Variants in C16orf96 observed in about 807,000 individuals in gnomAD.
C16orf96 encodes the protein chromosome 16 open reading frame 96.
A neutral mutation model predicts 103.6 loss-of-function variants in C16orf96; 108 were observed. The ratio of observed to expected loss-of-function variants is 1.04; its 90% CI spans 0.89 to 1.22. The LOEUF (loss-of-function observed/expected upper bound fraction) is 1.22, where lower values mean the gene tolerates loss of function less well. Among genes scored for constraint, C16orf96 ranks in the 50% most tolerant of loss-of-function variants. C16orf96 has a pLI of 0.00. For synonymous variants in C16orf96, 566 were observed against 593.5 expected, an observed-to-expected ratio of 0.95 and a Z score of 0.67; for missense variants, 1,586 against 1,464.2, an observed-to-expected ratio of 1.08 and a Z score of -1.36.
rs112131978 is a variant in C16orf96 at position 4,589,601 on chromosome 16, C to CA, written c.2592+1285dup. On this transcript the variant is annotated intron_variant, in intron 9 of 15. Transcript: ENST00000444310. ...GCACTCAGAGTGAAACCCTATCTCACAAAAAAAAAAAAAAATGGGCGCAGA... is the reference window on the plus strand; with the variant it reads ...GCACTCAGAGTGAAACCCTATCTCACAAAAAAAAAAAAAAAATGGGCGCAGA... 7.3e-3 allele frequency among the ~76,000 whole-genome samples: 781 copies of CA among 106,410 alleles called. 8 individuals carry two copies. Among genetic ancestry groups the CA allele is most frequent in the South Asian group, 0.057 (192 of 3,388 alleles). 69.8% of individuals were successfully genotyped at this position (106,410 alleles called of 152,430 possible).
the C16orf96 span, among the ~76,000 whole-genome samples, chr16:4,539,626 A>G: frequency 2.6e-5 from 4 of 152,292 alleles, no homozygotes; most frequent in South Asian, 2.1e-4. Flanking sequence ...TGGAGGTTGC[A>G]GTGAGCTGAG....
intron 10 of C16orf96, 48 bp downstream of exon 10, chr16:4,591,832 C>T (rs1465027894): frequency 7.4e-7 from 1 of 1,357,854 alleles, no homozygotes; most frequent in Non-Finnish European, 1.0e-6. Context: ...GCTGCCCAGG[C>T]TGTGGGGAAC....
At position 4,575,804 on chromosome 16, in the gene C16orf96, C is replaced by T. The variant is rs2059498284; in HGVS notation, c.1324C>T (p.Gln442Ter). Residue 442 changes from glutamine (Q) to a stop codon, truncating the protein, a stop_gained, in exon 5 of 16, where the codon CAG becomes TAG. Coordinates refer to ENST00000444310, the MANE Select transcript of C16orf96 (RefSeq NM_001145011.2). LOFTEE classifies it high-confidence loss of function. Reference sequence around the variant, plus strand: ...GTGGCCTCGACCACTCCAGCCATATCAGTCTCGCCAGGGAGAAGCCCTCCA... The same window carrying T: ...GTGGCCTCGACCACTCCAGCCATATTAGTCTCGCCAGGGAGAAGCCCTCCA... ...SLWPRPLQPY[Q>*]SRQGEALQLA... 1 of 1,551,028 alleles carries T rather than the reference C, an allele frequency of 6.4e-7. No individual in the cohort carries two copies. Among genetic ancestry groups the T allele is most frequent in the Admixed American group, 2.0e-5 (1 of 50,982 alleles).
chr16:4,577,494 C>G (rs577582115), intron 5 of C16orf96, among the ~76,000 whole-genome samples: 2 of 150,662 alleles, frequency 1.3e-5, no homozygotes, highest in African/African-American at 4.9e-5. Context: ...ACTAAAAATA[C>G]AAAAAAATTA....
intron 1 of C16orf96, among the ~76,000 whole-genome samples, chr16:4,569,488 C>T (rs991442802): frequency 2.6e-5 from 4 of 152,012 alleles, no homozygotes; most frequent in African/African-American, 4.8e-5. Flanking sequence ...TGAGTTGGCT[C>T]ATGCCTGTAA....
intron 7 of C16orf96, among the ~76,000 whole-genome samples, chr16:4,582,256 T>A (rs1042831629): frequency 1.8e-4 from 28 of 151,962 alleles, no homozygotes; most frequent in African/African-American, 6.8e-4. Context: ...CACTCCAGCC[T>A]GGGCGACAAG....
chr16:4,569,197 T>C (rs753841735), intron 1 of C16orf96, among the ~76,000 whole-genome samples: 1 of 151,616 alleles, frequency 6.6e-6, no homozygotes, highest in Non-Finnish European at 1.5e-5. Context: ...CTCAAACTCC[T>C]GAACTTCAGA....
the C16orf96 span, among the ~76,000 whole-genome samples, chr16:4,539,114 T>A: frequency 6.6e-6 from 1 of 152,284 alleles, no homozygotes; most frequent in East Asian, 1.9e-4. Context: ...AACCACACGG[T>A]CACTGTCCCT....
chr16:4,597,865 C>T (rs1344323431), intron 14 of C16orf96, among the ~76,000 whole-genome samples: 1 of 152,074 alleles, frequency 6.6e-6, no homozygotes, highest in Non-Finnish European at 1.5e-5. Context: ...CCTCATGTAA[C>T]TTATTGACTA....
chr16:4,561,414 CAG>C (rs1332767312), intron 1 of C16orf96: 2 of 152,232 alleles, frequency 1.3e-5, no homozygotes, highest in African/African-American at 2.4e-5. Context: ...TTACTAGAGA[CAG>C]GGCTGCCTGG....
chr16:4,565,394 C>T (rs1454156101), intron 1 of C16orf96, among the ~76,000 whole-genome samples: 1 of 152,206 alleles, frequency 6.6e-6, no homozygotes, highest in Non-Finnish European at 1.5e-5. Flanking sequence ...AGAGCATGTC[C>T]CCTACATGTG....
chr16:4,563,464 A>G (rs1486783558), intron 1 of C16orf96, among the ~76,000 whole-genome samples: 3 of 152,212 alleles, frequency 2.0e-5, no homozygotes, highest in Non-Finnish European at 2.9e-5. Flanking sequence ...CATGTTCCCC[A>G]GGCTGGTCTC....
Position 4,585,247 on chromosome 16 carries a change from G to C in C16orf96, c.2353-1792G>C, listed in dbSNP as rs28482153. Among the ~76,000 whole-genome samples the C allele has an allele frequency of 3.4e-3, 470 of 137,024 alleles. 3 individuals are homozygous for C. Among genetic ancestry groups the C allele is most frequent in the African/African-American group, 0.012 (444 of 36,812 alleles). 89.9% of individuals were successfully genotyped at this position (137,024 alleles called of 152,430 possible). ...GGGGGAGGATCCTTTGAGCCTAGGA[G>C]TTCCAGATCAGCCTGAGGCAACATA... On this transcript the variant is annotated intron_variant, in intron 7 of 15. Coordinates refer to ENST00000444310, the MANE Select transcript of C16orf96 (RefSeq NM_001145011.2).
Position 4,576,403 on chromosome 16 carries a change from T to G in C16orf96, c.1923T>G (p.Asp641Glu). 1 of 1,551,096 alleles carries G rather than the reference T, an allele frequency of 6.4e-7. No homozygotes were observed. Among genetic ancestry groups the G allele is most frequent in the Non-Finnish European group, 8.7e-7 (1 of 1,147,004 alleles). The change falls in exon 5 of 16, where the codon GAT becomes GAG. Residue 641 changes from aspartate (D) to glutamate (E), a missense_variant. Transcript: ENST00000444310. ...GATESQILGDDSEIYEILSPS... is the reference protein window; with the variant it reads ...GATESQILGDESEIYEILSPS... Reference sequence around the variant, plus strand: ...CAGAATCCCAGATCTTGGGCGATGATTCCGAAATCTACGAAATCCTCTCTC... The same window carrying G: ...CAGAATCCCAGATCTTGGGCGATGAGTCCGAAATCTACGAAATCCTCTCTC...
chr16:4,573,860 G>A (rs1192825322), intron 2 of C16orf96, among the ~76,000 whole-genome samples: 1 of 152,030 alleles, frequency 6.6e-6, no homozygotes, highest in Non-Finnish European at 1.5e-5. Context: ...TTGAGACGGA[G>A]TCTCTCTCTG....
chr16:4,578,707 G>A lies in C16orf96; in HGVS notation c.2156-233G>A, dbSNP rs144098229. ...CAGGAGGCGGAAGTTGTAGTGAGCC[G>A]AGATCGCGCCACTGCACTCCAGCCT... On this transcript the variant is annotated intron_variant, in intron 5 of 15. Transcript: ENST00000444310. Among the ~76,000 whole-genome samples the A allele has an allele frequency of 8.6e-4, 131 of 152,074 alleles. 1 individual carries two copies. The highest frequency in any genetic ancestry group is 3.4e-3 in the Middle Eastern group (1 of 294).
At chr16:4,597,383 C>T (rs1897195106) in intron 14 of C16orf96, among the ~76,000 whole-genome samples, 1 of 152,170 alleles carries the variant, frequency 6.6e-6, no homozygotes, top group Non-Finnish European at 1.5e-5. Context: ...GGCTGCTTGC[C>T]GGGCGGCCAG....
intron 6 of C16orf96, among the ~76,000 whole-genome samples, 159 bp from the exon 7 acceptor site, chr16:4,579,856 C>A (rs891199270): frequency 6.6e-6 from 1 of 152,056 alleles, no homozygotes; most frequent in African/African-American, 2.4e-5. Context: ...GTTGATCTAC[C>A]CATCTTGGCC....
At chr16:4,542,782 C>A in the C16orf96 span, among the ~76,000 whole-genome samples, 1 of 151,504 alleles carries the variant, frequency 6.6e-6, no homozygotes, top group African/African-American at 2.4e-5. Context: ...GGGCGACAAG[C>A]AAAACTTTGT....
Sources: gnomAD v4.1 joint callset for allele counts (sites outside exome capture counted in the v4.1 genomes callset) on GRCh38, gnomAD v4.1.1 for gene constraint, MANE v1.5 for transcripts, NCBI Gene and HGNC (gene_info 2026-07-23, HGNC 2026-07-21) for gene names.